DCAKD: variants seen among roughly 807,000 people sequenced by gnomAD.
DCAKD encodes the protein dephospho-CoA kinase domain containing, also known as dephospho-CoA kinase domain-containing protein.
Under a neutral mutation model 18.7 loss-of-function variants are expected in DCAKD, and 15 were observed. The observed-to-expected ratio is 0.80, with a 90% CI of 0.54 to 1.24. The LOEUF (loss-of-function observed/expected upper bound fraction) is 1.24. Ranked by LOEUF, DCAKD falls within the 50% of genes most tolerant of loss-of-function variation. The pLI is 0.00. For missense variants in DCAKD, 301 were observed against 322.0 expected, an observed-to-expected ratio of 0.93 and a Z score of 0.50; for synonymous variants, 130 against 133.0, an observed-to-expected ratio of 0.98 and a Z score of 0.16.
chr17:45,034,998 A>G lies in DCAKD; in HGVS notation c.-113T>C. The stretch of plus-strand genomic sequence containing the variant: ...GGTCCACCAGAGGAGTGCCAGAAGG[A>G]CCTGCTTGGGAGAGGCCAGCGGGAC... On this transcript the variant is annotated splice_region_variant and 5_prime_UTR_variant, in exon 2 of 5. Coordinates refer to ENST00000651974, the MANE Select transcript of DCAKD (RefSeq NM_001288655.2). 1 of 1,118,280 alleles carries G rather than the reference A, an allele frequency of 8.9e-7. No homozygotes were observed. The highest frequency in any genetic ancestry group is 1.3e-6 in the Non-Finnish European group (1 of 761,102). The allele number at this position is 1,118,280 out of a possible 1,614,324, so 69.3% of individuals were successfully genotyped here.
rs531452168 is a variant in DCAKD at position 45,024,848 on chromosome 17, C to G, written c.405-124G>C. 24 of 1,252,902 alleles carry G rather than the reference C, an allele frequency of 1.9e-5. 1 individual carries two copies. In the South Asian group the frequency reaches 3.9e-4, roughly 20 times the overall value. The allele number at this position is 1,252,902 out of a possible 1,614,324, so 77.6% of individuals were successfully genotyped here. A position where few individuals can be genotyped will look rare whatever the true frequency, so the allele number is the denominator to read the frequency against. ...ATGGGGACTGGATCTTCCCTCCAAC[C>G]CTACCCTGCTCTGGGCTACTTAGGG... On this transcript the variant is annotated intron_variant, in intron 4 of 4. Coordinates refer to ENST00000651974, the MANE Select transcript of DCAKD (RefSeq NM_001288655.2).
intron 4 of DCAKD, 136 bp from the exon 5 acceptor site, chr17:45,024,860 T>A: frequency 8.6e-7 from 1 of 1,157,064 alleles, no homozygotes; most frequent in Non-Finnish European, 1.2e-6. Context: ...TACCCTGCTC[T>A]GGGCTACTTA....
chr17:45,052,338 C>G (rs866007931), upstream of DCAKD, among the ~76,000 whole-genome samples: 3 of 152,162 alleles, frequency 2.0e-5, no homozygotes, highest in Non-Finnish European at 4.4e-5. Flanking sequence ...CTGCCAGGTC[C>G]TAAGAGCACT....
At chr17:45,028,741 G>A (rs1219099449) in intron 4 of DCAKD, among the ~76,000 whole-genome samples, 4 of 146,568 alleles carry the variant, frequency 2.7e-5, no homozygotes, top group Admixed American at 7.0e-5. Flanking sequence ...GCTCACTCTT[G>A]TCGCCCAGGC....
At chr17:45,037,030 G>A (rs553233438) in intron 1 of DCAKD, among the ~76,000 whole-genome samples, 1 of 152,154 alleles carries the variant, frequency 6.6e-6, no homozygotes, top group East Asian at 1.9e-4. Context: ...TGCCTGGCTT[G>A]GGGCAGCAGG....
chr17:45,027,381 T>C (rs1379570074), intron 4 of DCAKD, among the ~76,000 whole-genome samples: 1 of 152,220 alleles, frequency 6.6e-6, no homozygotes, highest in African/African-American at 2.4e-5. Flanking sequence ...CTTCAGGAGA[T>C]GTCCTAAGTA....
chr17:45,052,290 G>A (rs925591692), upstream of DCAKD, among the ~76,000 whole-genome samples: 1 of 152,188 alleles, frequency 6.6e-6, no homozygotes. Context: ...CTCGCTACTT[G>A]TGCAGCCTTG....
intron 1 of DCAKD, among the ~76,000 whole-genome samples, chr17:45,040,130 G>C (rs2053398459): frequency 6.6e-6 from 1 of 150,862 alleles, no homozygotes; most frequent in Non-Finnish European, 1.5e-5. Flanking sequence ...GCTCATGCCT[G>C]TAATCCCAGC....
At chr17:45,024,943 A>T (rs1320931037) in intron 4 of DCAKD, among the ~76,000 whole-genome samples, 1 of 151,484 alleles carries the variant, frequency 6.6e-6, no homozygotes, top group Non-Finnish European at 1.5e-5. Context: ...CACTGTGAGG[A>T]ACCCAGAGCT....
intron 1 of DCAKD, among the ~76,000 whole-genome samples, chr17:45,050,614 A>C (rs905809040): frequency 2.0e-5 from 3 of 152,092 alleles, no homozygotes; most frequent in Non-Finnish European, 4.4e-5. Context: ...CCCTTTCCCC[A>C]GGCCTATGCC....
At chr17:45,034,685 T>G (rs1334542569) in intron 2 of DCAKD, 89 bp downstream of exon 2, 4 of 1,403,302 alleles carry the variant, frequency 2.9e-6, no homozygotes, top group Non-Finnish European at 3.9e-6. Flanking sequence ...TCCCCTCCTC[T>G]GAGACTTATA....
At chr17:45,025,481 C>T (rs1330057443) in intron 4 of DCAKD, among the ~76,000 whole-genome samples, 1 of 152,124 alleles carries the variant, frequency 6.6e-6, no homozygotes, top group Admixed American at 6.6e-5. Context: ...AAGAATACCT[C>T]CTTCACCCAC....
intron 1 of DCAKD, among the ~76,000 whole-genome samples, chr17:45,038,574 C>T (rs560685367): frequency 1.9e-4 from 29 of 152,284 alleles, no homozygotes; most frequent in East Asian, 1.5e-3. Flanking sequence ...GTAGGCAAAT[C>T]GATTCAGAGC....
At chr17:45,028,409 CTTT>C (rs545681429) in intron 4 of DCAKD, among the ~76,000 whole-genome samples, 3 of 132,754 alleles carry the variant, frequency 2.3e-5, no homozygotes, top group Non-Finnish European at 4.9e-5. Flanking sequence ...CACACCCGGC[CTTT>C]TTTTTTTTTT....
chr17:45,049,529 T>C (rs2053643123), intron 1 of DCAKD, among the ~76,000 whole-genome samples: 1 of 150,700 alleles, frequency 6.6e-6, no homozygotes, highest in Non-Finnish European at 1.5e-5. Flanking sequence ...TCAAATCAAA[T>C]GGTGTATATT....
At chr17:45,031,393 T>C (rs1040863519) in intron 3 of DCAKD, 1 of 976,590 alleles carries the variant, frequency 1.0e-6, no homozygotes, top group Admixed American at 6.2e-5. Context: ...CCATGTGACC[T>C]TGGGCCCCCT....
upstream of DCAKD, chr17:45,053,997 A>G (rs2053754141): frequency 2.0e-6 from 1 of 494,686 alleles, no homozygotes; most frequent in Non-Finnish European, 4.0e-6. Context: ...CACAGTAGGG[A>G]TTCAGTATAT....
intron 1 of DCAKD, among the ~76,000 whole-genome samples, chr17:45,041,754 G>A (rs1265003847): frequency 1.3e-5 from 2 of 152,048 alleles, no homozygotes; most frequent in Non-Finnish European, 2.9e-5. Flanking sequence ...GGTGGGGGGA[G>A]CAGGGGAGGG....
chr17:45,060,525 A>G (rs1210175738), intron 1 of DCAKD, among the ~76,000 whole-genome samples: 1 of 152,150 alleles, frequency 6.6e-6, no homozygotes, highest in African/African-American at 2.4e-5. Context: ...AGAAAAAAGA[A>G]AGAAAGAAAG....
Sources: allele counts gnomAD v4.1 joint callset (sites outside exome capture counted in the v4.1 genomes callset), GRCh38; gene constraint gnomAD v4.1.1; transcripts MANE v1.5; gene names NCBI Gene and HGNC (gene_info 2026-07-23, HGNC 2026-07-21).